EXOC4: variants seen among roughly 807,000 people sequenced by gnomAD.
The protein encoded by EXOC4 is exocyst complex component 4, also known as SEC8-like 1.
In EXOC4, 71 loss-of-function variants were observed where a neutral mutation model predicts 107.2. The observed-to-expected ratio is 0.66, with a 90% confidence interval of 0.55 to 0.81. EXOC4 has a LOEUF of 0.81. EXOC4 is among the 30% of genes least tolerant of loss of function. The pLI is 0.00. For synonymous variants in EXOC4, 456 were observed against 441.2 expected, an observed-to-expected ratio of 1.03 and a Z score of -0.42; for missense variants, 1,108 against 1,189.6, an observed-to-expected ratio of 0.93 and a Z score of 1.01.
intron 10 of EXOC4, among the ~76,000 whole-genome samples, chr7:133,650,396 G>C (rs571515510): frequency 3.3e-5 from 5 of 152,100 alleles, no homozygotes; most frequent in African/African-American, 1.2e-4. Flanking sequence ...ATCCTCCACT[G>C]CTAGCAACTT....
rs563493525 is a variant in EXOC4 at position 133,350,434 on chromosome 7, C to T, written c.764-5896C>T. 7.6e-4 allele frequency among the ~76,000 whole-genome samples: 115 copies of T among 152,182 alleles called. 1 individual carries two copies. Among genetic ancestry groups the T allele is most frequent in the African/African-American group, 2.6e-3 (106 of 41,544 alleles). On this transcript the variant is annotated intron_variant, in intron 5 of 17. Coordinates refer to ENST00000253861, the MANE Select transcript of EXOC4 (RefSeq NM_021807.4). ...AGCATTTGTTGAAAGGCCGTCCTTT[C>T]CCCATTGAATGGTCTTGGTATTCTC...
At chr7:133,324,451 C>T (rs1313029086) in intron 5 of EXOC4, among the ~76,000 whole-genome samples, 5 of 152,160 alleles carry the variant, frequency 3.3e-5, no homozygotes, top group African/African-American at 9.7e-5. Context: ...TTTATTTCTG[C>T]CTTCATTTTG....
chr7:133,719,927 A>G (rs922485600), intron 10 of EXOC4, among the ~76,000 whole-genome samples: 1 of 152,152 alleles, frequency 6.6e-6, no homozygotes, highest in African/African-American at 2.4e-5. Flanking sequence ...GGATGGATGG[A>G]TGGATGAATT....
At chr7:133,749,664 G>T (rs758230444) in intron 10 of EXOC4, among the ~76,000 whole-genome samples, 5 of 152,192 alleles carry the variant, frequency 3.3e-5, no homozygotes, top group Non-Finnish European at 7.3e-5. Flanking sequence ...AAAGTGCTGG[G>T]ATTACAGGCA....
At chr7:133,964,679 T>C (rs1801022769) in intron 14 of EXOC4, among the ~76,000 whole-genome samples, 1 of 152,200 alleles carries the variant, frequency 6.6e-6, no homozygotes, top group Admixed American at 6.5e-5. Flanking sequence ...TATGTCTGTG[T>C]AGTATTCCAT....
At chr7:134,050,775 T>C (rs1444809441) in intron 17 of EXOC4, among the ~76,000 whole-genome samples, 1 of 152,168 alleles carries the variant, frequency 6.6e-6, no homozygotes, top group Non-Finnish European at 1.5e-5. Flanking sequence ...TGGATGTCAA[T>C]GTTGAAAGTT....
chr7:133,818,268 A>G (rs1041294472), intron 11 of EXOC4, among the ~76,000 whole-genome samples: 5 of 152,152 alleles, frequency 3.3e-5, no homozygotes, highest in Non-Finnish European at 5.9e-5. Context: ...TTGAATCCTT[A>G]TTGTGTTTCT....
In EXOC4 at chr7:133,937,878, A is replaced by C; in HGVS notation, c.2028-13A>C. On this transcript the variant is annotated splice_polypyrimidine_tract_variant and intron_variant, in intron 13 of 17. Coordinates refer to ENST00000253861, the MANE Select transcript of EXOC4 (RefSeq NM_021807.4). ...GCTGTATATATGAAGTGTGTTTCTG[A>C]TTTGCTTTTCAGGGCAGCTTTTGGC... 6.2e-7 allele frequency: 1 copy of C among 1,613,796 alleles called. No homozygotes were observed. The highest frequency in any genetic ancestry group is 8.5e-7 in the Non-Finnish European group (1 of 1,179,838).
intron 10 of EXOC4, among the ~76,000 whole-genome samples, chr7:133,756,418 T>C (rs76775406): frequency 6.6e-6 from 1 of 152,360 alleles, no homozygotes; most frequent in East Asian, 1.9e-4. Flanking sequence ...AGAAAAGTGT[T>C]GAGCTTGATC....
chr7:133,487,948 A>G (rs1799301479), intron 9 of EXOC4, among the ~76,000 whole-genome samples: 1 of 152,180 alleles, frequency 6.6e-6, no homozygotes, highest in Admixed American at 6.5e-5. Context: ...AGTTTATATA[A>G]TACCACTCAT....
intron 7 of EXOC4, among the ~76,000 whole-genome samples, chr7:133,467,844 C>T (rs1379359046): frequency 6.6e-6 from 1 of 151,416 alleles, no homozygotes; most frequent in Non-Finnish European, 1.5e-5. Context: ...TTTTGTTGCC[C>T]TAGTTAGGAG....
chr7:133,856,871 C>T (rs1456785075), intron 11 of EXOC4, among the ~76,000 whole-genome samples: 9 of 151,230 alleles, frequency 6.0e-5, no homozygotes, highest in East Asian at 4.0e-4. Flanking sequence ...GAGGCCAAGG[C>T]AGGCGGATCA....
At chr7:133,364,777 C>A (rs558494681) in intron 6 of EXOC4, among the ~76,000 whole-genome samples, 1 of 152,282 alleles carries the variant, frequency 6.6e-6, no homozygotes, top group South Asian at 2.1e-4. Context: ...CCTGAGTGAG[C>A]CTCACCACTT....
the EXOC4 span, among the ~76,000 whole-genome samples, chr7:134,085,045 G>C: frequency 1.6e-3 from 243 of 152,326 alleles, no homozygotes; most frequent in Middle Eastern, 0.01. Context: ...AGTGGTTGAA[G>C]TATGACTGCT....
rs1257082931 is a variant in EXOC4 at position 133,997,621 on chromosome 7, A to G, written c.2336A>G (p.His779Arg). 6.2e-6 allele frequency: 10 copies of G among 1,613,140 alleles called. No individual in the cohort carries two copies. Among genetic ancestry groups the G allele is most frequent in the Non-Finnish European group, 8.5e-6 (10 of 1,179,616 alleles). The change falls in exon 15 of 18, where the codon CAT becomes CGT. Residue 779 changes from histidine (H) to arginine (R), a missense_variant. Coordinates refer to ENST00000253861, the MANE Select transcript of EXOC4 (RefSeq NM_021807.4). ...GCTGACCGCTGCTTGCTTGTCTTAC[A>G]TCTGGAAGTGAGGTATGATACAGCC... is the stretch of plus-strand genomic sequence containing the variant. ...DMADRCLLVL[H>R]LEVRVHCFHY...
At chr7:134,054,120 T>C (rs570349893) in intron 17 of EXOC4, among the ~76,000 whole-genome samples, 10 of 152,254 alleles carry the variant, frequency 6.6e-5, no homozygotes, top group Middle Eastern at 3.4e-3. Context: ...CAATTTTTTA[T>C]ATTTTTGGTA....
rs375109726 is a variant in EXOC4, at chr7:133,614,997, A to G, written c.1418-15048A>G. ...GCCAGAAAACAAATTGACATTAGAT[A>G]ATCTGGCAGAAGGGTTCAGATTATC... is the stretch of plus-strand genomic sequence containing the variant. On this transcript the variant is annotated intron_variant, in intron 9 of 17. Coordinates refer to ENST00000253861, the MANE Select transcript of EXOC4 (RefSeq NM_021807.4). 6.6e-5 allele frequency among the ~76,000 whole-genome samples: 10 copies of G among 152,100 alleles called. No individual in the cohort carries two copies. In the East Asian group the frequency reaches 1.5e-3, roughly 23 times the overall value.
At chr7:133,414,449 G>C (rs1284749141) in intron 7 of EXOC4, among the ~76,000 whole-genome samples, 1 of 152,138 alleles carries the variant, frequency 6.6e-6, no homozygotes, top group Non-Finnish European at 1.5e-5. Flanking sequence ...CTGCAACTCA[G>C]CCATTCTGCC....
In EXOC4 at chr7:133,973,242, C is replaced by T. The variant is rs941723768; in HGVS notation, c.2207-24250C>T. Among the ~76,000 whole-genome samples, 6 of 152,156 alleles carry T rather than the reference C, an allele frequency of 3.9e-5. No individual in the cohort carries two copies. In the South Asian group the frequency reaches 1.0e-3, roughly 26 times the overall value. ...TATGATTCGGCGACCATGGAAAAAG[C>T]ACAACATATAATTGGAATATATGAT... On this transcript the variant is annotated intron_variant, in intron 14 of 17. Coordinates refer to ENST00000253861, the MANE Select transcript of EXOC4 (RefSeq NM_021807.4).
Sources: gnomAD v4.1 joint callset for allele counts (sites outside exome capture counted in the v4.1 genomes callset) on GRCh38, gnomAD v4.1.1 for gene constraint, MANE v1.5 for transcripts, NCBI Gene and HGNC (gene_info 2026-07-23, HGNC 2026-07-21) for gene names.